C10orf143: variants seen among roughly 807,000 people sequenced by gnomAD.
The protein encoded by C10orf143 is uncharacterized protein C10orf143.
At chr10:130,043,063 G>T (rs1034582542) in intron 3 of C10orf143, among the ~76,000 whole-genome samples, 2 of 152,136 alleles carry the variant, frequency 1.3e-5, no homozygotes, top group South Asian at 2.1e-4. Context: ...GGGCGTGGAG[G>T]CTCACTGGCC....
intron 1 of C10orf143, among the ~76,000 whole-genome samples, chr10:130,103,400 G>T (rs923745955): frequency 6.6e-6 from 1 of 152,172 alleles, no homozygotes; most frequent in Admixed American, 6.5e-5. Flanking sequence ...TGAGGCAGAA[G>T]AATCACTTGA....
At chr10:130,103,694 C>T (rs979508093) in intron 1 of C10orf143, among the ~76,000 whole-genome samples, 2 of 151,152 alleles carry the variant, frequency 1.3e-5, no homozygotes, top group African/African-American at 4.9e-5. Context: ...CCTGTAGTCC[C>T]AGCTACTCAG....
At chr10:130,052,141 G>A (rs1160641339) in intron 3 of C10orf143, among the ~76,000 whole-genome samples, 1 of 134,686 alleles carries the variant, frequency 7.4e-6, no homozygotes, top group East Asian at 2.2e-4. Context: ...TCCCTCTCCC[G>A]CCCCCACCTC....
chr10:130,079,365 A>G lies in C10orf143; in HGVS notation c.297+201T>C, dbSNP rs139306207. On this transcript the variant is annotated intron_variant, in intron 3 of 3. Coordinates refer to ENST00000637128, the MANE Select transcript of C10orf143 (RefSeq NM_001355042.2). ...AATTTTAAATGTATTTGCAATTTAT[A>G]TTTCCAATCTGAAGCTGGACACAAA... is the stretch of plus-strand genomic sequence containing the variant. Among the ~76,000 whole-genome samples, 675 of 152,350 alleles carry G rather than the reference A, an allele frequency of 4.4e-3. 4 individuals carry two copies. The highest frequency in any genetic ancestry group is 0.016 in the African/African-American group (646 of 41,592).
chr10:130,035,984 A>C (rs918053541), intron 3 of C10orf143: 19 of 152,112 alleles, frequency 1.2e-4, no homozygotes, highest in Non-Finnish European at 2.1e-4. Context: ...GTGGAGAGAG[A>C]GGGATAGTGA....
intron 1 of C10orf143, chr10:130,107,307 A>T (rs768016745): frequency 5.5e-6 from 6 of 1,095,386 alleles, no homozygotes; most frequent in Non-Finnish European, 8.5e-6. Context: ...AAGATCAGCC[A>T]TGCCACTAAA....
intron 1 of C10orf143, among the ~76,000 whole-genome samples, chr10:130,084,780 A>G (rs75351753): frequency 0.021 from 3,126 of 152,222 alleles, 51 homozygotes; most frequent in Non-Finnish European, 0.03. Context: ...TTCCCTTAAA[A>G]GGAATCTGGA....
At chr10:130,110,351 G>A (rs570325704) in intron 1 of C10orf143, among the ~76,000 whole-genome samples, 4 of 152,292 alleles carry the variant, frequency 2.6e-5, no homozygotes, top group East Asian at 1.9e-4. Context: ...AGGTGTAGAC[G>A]GCAGGAGAAG....
At chr10:130,093,115 A>T (rs1180894911) in intron 1 of C10orf143, among the ~76,000 whole-genome samples, 1 of 152,348 alleles carries the variant, frequency 6.6e-6, no homozygotes, top group African/African-American at 2.4e-5. Context: ...CAGAATACAC[A>T]TTCTTCTCAG....
chr10:130,076,074 C>T (rs1590019920), intron 3 of C10orf143, among the ~76,000 whole-genome samples: 1 of 151,460 alleles, frequency 6.6e-6, no homozygotes, highest in Non-Finnish European at 1.5e-5. Flanking sequence ...ATGCAACCTC[C>T]ACCTCCCAGG....
Position 130,079,756 on chromosome 10 carries a change from T to C in C10orf143, c.215A>G (p.Gln72Arg). 1 of 398,658 alleles carries C rather than the reference T, an allele frequency of 2.5e-6. No individual in the cohort carries two copies. The highest frequency in any genetic ancestry group is 4.4e-6 in the Non-Finnish European group (1 of 226,064). 24.7% of individuals were successfully genotyped at this position (398,658 alleles called of 1,614,324 possible). A position where few individuals can be genotyped will look rare whatever the true frequency, so the allele number is the denominator to read the frequency against. The change falls in exon 2 of 4, where the codon CAG (glutamine) becomes CGG (arginine). Residue 72 changes from glutamine to arginine, a missense_variant. Physicochemically the swap from Gln to Arg is conservative, Grantham distance 43. Transcript: ENST00000637128. ...CLPAPRPESG[Q>R]GRLSTGISQN... ...ACATACCCCTGTACTTAGCCTCCCC[T>C]GGCCACTCTCTGGCCTTGGTGCTGG...
In C10orf143 at chr10:130,110,567, A is replaced by G. The variant is rs370515829; in HGVS notation, c.69+137T>C. On this transcript the variant is annotated intron_variant, in intron 1 of 3. Coordinates refer to ENST00000637128, the MANE Select transcript of C10orf143 (RefSeq NM_001355042.2). ...CATCACTGGCCACGCCCTCCCAGGG[A>G]CGTACGCGAGCGTGCGAGTGTCTTG... 3.8e-5 allele frequency: 15 copies of G among 397,076 alleles called. No homozygotes were observed. The South Asian group carries it at 5.6e-4, about 15-fold the overall frequency. 24.6% of individuals were successfully genotyped at this position (397,076 alleles called of 1,614,324 possible). A position where few individuals can be genotyped will look rare whatever the true frequency, so the allele number is the denominator to read the frequency against.
intron 1 of C10orf143, among the ~76,000 whole-genome samples, chr10:130,097,848 A>G (rs1037177667): frequency 1.3e-5 from 2 of 152,218 alleles, no homozygotes; most frequent in African/African-American, 4.8e-5. Context: ...AGAAAGTTCC[A>G]GAAAAGGCAA....
rs546636759 is a variant in C10orf143, at chr10:130,108,130, C to T, written c.69+2574G>A. The T allele has an allele frequency of 8.7e-4, 1,356 of 1,561,780 alleles. 12 individuals are homozygous for T. The South Asian group carries it at 0.012, about 14-fold the overall frequency. ...CTCGCTTTGTTCCTCCACCTCTTGC[C>T]CTAATCAGAGGTCCACTGTTTCCAG... On this transcript the variant is annotated intron_variant, in intron 1 of 3. Coordinates refer to ENST00000637128, the MANE Select transcript of C10orf143 (RefSeq NM_001355042.2).
chr10:130,057,092 G>A (rs892822499), intron 3 of C10orf143, among the ~76,000 whole-genome samples: 16 of 140,874 alleles, frequency 1.1e-4, no homozygotes, highest in African/African-American at 3.5e-4. Context: ...AGGTTTCACC[G>A]TGTTGCCCAC....
intron 3 of C10orf143, among the ~76,000 whole-genome samples, chr10:130,048,394 T>C (rs575112676): frequency 6.6e-6 from 1 of 152,226 alleles, no homozygotes; most frequent in Non-Finnish European, 1.5e-5. Flanking sequence ...GGGCGCCCAA[T>C]CTCTGCCATC....
intron 3 of C10orf143, chr10:130,068,661 A>T (rs1187860235): frequency 6.6e-6 from 1 of 151,804 alleles, no homozygotes; most frequent in African/African-American, 2.4e-5. Context: ...AAAGAAAAGC[A>T]GAATGATGTC....
chr10:130,105,797 C>A (rs1276956191), intron 1 of C10orf143, among the ~76,000 whole-genome samples: 1 of 152,306 alleles, frequency 6.6e-6, no homozygotes, highest in South Asian at 2.1e-4. Context: ...CTGGCCAAAA[C>A]CAAACCAAGG....
At position 130,079,694 on chromosome 10, in the gene C10orf143, T is replaced by G. The variant is rs983369997; in HGVS notation, c.234+43A>C. On this transcript the variant is annotated intron_variant, in intron 2 of 3. Coordinates refer to ENST00000637128, the MANE Select transcript of C10orf143 (RefSeq NM_001355042.2). ...ATTATTTACACTTTCTATTAAAATA[T>G]TTCAACATGCTCACAAGTAGTTTGG... is the stretch of plus-strand genomic sequence containing the variant. 7 of 398,856 alleles carry G rather than the reference T, an allele frequency of 1.8e-5. No individual in the cohort carries two copies. In the Middle Eastern group the frequency reaches 2.5e-3, roughly 144 times the overall value. The allele number at this position is 398,856 out of a possible 1,614,324, so 24.7% of individuals were successfully genotyped here.
Sources: gnomAD v4.1 joint callset for allele counts (sites outside exome capture counted in the v4.1 genomes callset) on GRCh38, gnomAD v4.1.1 for gene constraint, MANE v1.5 for transcripts, NCBI Gene and HGNC (gene_info 2026-07-23, HGNC 2026-07-21) for gene names.